The following EIF2B3 variants were observed in gnomAD, a reference collection of about 807,000 sequenced individuals.
EIF2B3 encodes eukaryotic translation initiation factor 2B subunit gamma.
Under a neutral mutation model 54.1 loss-of-function variants are expected in EIF2B3, and 20 were observed. The ratio of observed to expected loss-of-function variants is 0.37; its 90% CI spans 0.26 to 0.54. The LOEUF (loss-of-function observed/expected upper bound fraction) is 0.54. EIF2B3 is among the 20% of genes least tolerant of loss of function. The pLI is 0.86. For synonymous variants in EIF2B3, 153 were observed against 188.1 expected (o/e 0.81, Z 1.52); for missense variants, 448 against 547.8 (o/e 0.82, Z 1.82).
intron 5 of EIF2B3, among the ~76,000 whole-genome samples, chr1:44,898,376 A>T (rs1005964550): frequency 1.3e-5 from 2 of 152,182 alleles, no homozygotes; most frequent in African/African-American, 4.8e-5. Flanking sequence ...CTCCCACTAG[A>T]CTGAAATTCA....
chr1:44,931,636 A>C (rs762768221), intron 4 of EIF2B3, among the ~76,000 whole-genome samples: 4 of 152,266 alleles, frequency 2.6e-5, no homozygotes, highest in Non-Finnish European at 5.9e-5. Context: ...AACATGTAAA[A>C]GGATAATAAG....
intron 10 of EIF2B3, among the ~76,000 whole-genome samples, chr1:44,860,748 C>A (rs112139490): frequency 6.6e-6 from 1 of 152,022 alleles, no homozygotes; most frequent in African/African-American, 2.4e-5. Flanking sequence ...TATTCAGTAC[C>A]CGAGTCAGAA....
chr1:44,944,422 G>C (rs1016055660), intron 3 of EIF2B3, among the ~76,000 whole-genome samples: 1 of 151,764 alleles, frequency 6.6e-6, no homozygotes, highest in African/African-American at 2.4e-5. Flanking sequence ...ATGAGCCCAG[G>C]AGTTCAAGGT....
At chr1:44,934,828 G>A (rs903139200) in intron 4 of EIF2B3, among the ~76,000 whole-genome samples, 13 of 152,156 alleles carry the variant, frequency 8.5e-5, no homozygotes, top group African/African-American at 3.1e-4. Flanking sequence ...AAATGGGGTG[G>A]GATTTGGAAG....
At chr1:44,858,446 T>A (rs1323952839) in intron 10 of EIF2B3, among the ~76,000 whole-genome samples, 3 of 152,092 alleles carry the variant, frequency 2.0e-5, no homozygotes, top group East Asian at 1.9e-4. Flanking sequence ...CCACAGACTC[T>A]GGTTAAGCAA....
intron 4 of EIF2B3, among the ~76,000 whole-genome samples, chr1:44,940,136 A>G (rs577722994): frequency 6.6e-5 from 10 of 152,322 alleles, no homozygotes; most frequent in African/African-American, 2.4e-4. Flanking sequence ...AATTTAACCA[A>G]ACGTCCTAAA....
intron 5 of EIF2B3, among the ~76,000 whole-genome samples, chr1:44,897,905 T>C (rs188234193): frequency 6.6e-6 from 1 of 151,818 alleles, no homozygotes. Context: ...CCCAGCTAAT[T>C]TTTGTATTTT....
chr1:44,865,217 A>T (rs1039731402), intron 10 of EIF2B3, among the ~76,000 whole-genome samples: 1 of 104,168 alleles, frequency 9.6e-6, no homozygotes, highest in African/African-American at 3.5e-5. Flanking sequence ...ACTCCATCTT[A>T]AAAAAAAAAA....
intron 11 of EIF2B3, among the ~76,000 whole-genome samples, chr1:44,852,361 G>A (rs1261238076): frequency 2.6e-5 from 4 of 152,130 alleles, no homozygotes; most frequent in South Asian, 4.1e-4. Context: ...GTGCCCTAAC[G>A]TAGCACCTCT....
intron 5 of EIF2B3, among the ~76,000 whole-genome samples, chr1:44,901,673 C>T (rs1643309183): frequency 1.3e-5 from 2 of 151,500 alleles, no homozygotes; most frequent in African/African-American, 4.8e-5. Context: ...GATCCTCCCT[C>T]CTCAGCCTCC....
rs868443943 is a variant in EIF2B3 at position 44,879,923 on chromosome 1, C to T, written c.870G>A (p.Trp290Ter). ...ACWNACRGDR[W>*]EDLSRSQVRC... is the part of the protein sequence containing the mutation. ...GCACCTGTGATCTGGACAAGTCTTC[C>T]CACCTGTCTCCTCGACAGGCATTCC... The change falls in exon 8 of 12, where the codon TGG becomes TGA. Residue 290 changes from tryptophan to a stop codon, truncating the protein, a stop_gained. Coordinates refer to ENST00000360403, the MANE Select transcript of EIF2B3 (RefSeq NM_020365.5). LOFTEE classifies it high-confidence loss of function. 6.2e-7 allele frequency: 1 copy of T among 1,614,178 alleles called. No homozygotes were observed. Among genetic ancestry groups the T allele is most frequent in the Non-Finnish European group, 8.5e-7 (1 of 1,180,034 alleles).
In EIF2B3 at chr1:44,881,529, T is replaced by C. The variant is rs1655401005; in HGVS notation, c.784+83A>G. 3.2e-6 allele frequency: 5 copies of C among 1,565,698 alleles called. No homozygotes were observed. The highest frequency in any genetic ancestry group is 4.4e-6 in the Non-Finnish European group (5 of 1,142,164). ...GTCTGCTGCCTTGAGTCAGGCATCT[T>C]GGGCTGGGCTAAGCTGCCCAACCAC... is the stretch of plus-strand genomic sequence containing the variant. On this transcript the variant is annotated intron_variant, in intron 7 of 11. Transcript: ENST00000360403. This position sits in a 1 kb window ranked among gnomAD's most constrained non-coding sequence, Gnocchi z 4.0.
chr1:44,934,322 C>T (rs948336871), intron 4 of EIF2B3, among the ~76,000 whole-genome samples: 2 of 151,832 alleles, frequency 1.3e-5, no homozygotes, highest in African/African-American at 4.8e-5. Context: ...CACTTGAACT[C>T]GGAGGGCAGA....
chr1:44,977,966 G>A (rs1174090205), intron 3 of EIF2B3, among the ~76,000 whole-genome samples: 4 of 152,136 alleles, frequency 2.6e-5, no homozygotes, highest in Admixed American at 2.0e-4. Flanking sequence ...GGGGCCAGGC[G>A]TGATGGCTCA....
chr1:44,897,481 G>A (rs1201519584), intron 5 of EIF2B3, 37 bp from the exon 6 acceptor site: 1 of 1,493,046 alleles, frequency 6.7e-7, no homozygotes, highest in East Asian at 2.4e-5. Flanking sequence ...AGAAAGAAGA[G>A]GCTCACAATC....
chr1:44,980,947 T>G (rs1407016064), intron 2 of EIF2B3, 74 bp downstream of exon 2: 2 of 1,582,464 alleles, frequency 1.3e-6, no homozygotes, highest in African/African-American at 2.7e-5. Context: ...CTCATTCTCA[T>G]AACGCTGACA....
At chr1:44,944,001 G>A (rs1204592286) in intron 3 of EIF2B3, among the ~76,000 whole-genome samples, 5 of 151,846 alleles carry the variant, frequency 3.3e-5, no homozygotes, top group Admixed American at 6.6e-5. Flanking sequence ...AAAATTAGCC[G>A]GGCATGGTGG....
intron 10 of EIF2B3, among the ~76,000 whole-genome samples, chr1:44,869,829 G>A (rs1557662794): frequency 6.6e-6 from 1 of 151,956 alleles, no homozygotes; most frequent in Non-Finnish European, 1.5e-5. Context: ...TTGGCAGTCT[G>A]ACTCAAAGCT....
chr1:44,880,976 A>T (rs1000223426), intron 7 of EIF2B3, among the ~76,000 whole-genome samples: 2 of 152,142 alleles, frequency 1.3e-5, no homozygotes, highest in African/African-American at 4.8e-5. Context: ...AATAAAAAAA[A>T]AAAAAGACAC....
Sources: allele counts gnomAD v4.1 joint callset (sites outside exome capture counted in the v4.1 genomes callset), GRCh38; gene constraint gnomAD v4.1.1; non-coding constraint Gnocchi (gnomAD v3.1); transcripts MANE v1.5; gene names NCBI Gene and HGNC (gene_info 2026-07-23, HGNC 2026-07-21).